Variants in SLC24A2 observed in about 807,000 individuals in gnomAD.
SLC24A2 encodes the protein solute carrier family 24 member 2.
SLC24A2 carries 36 observed loss-of-function variants against 62.0 expected under a neutral mutation model. The ratio of observed to expected loss-of-function variants is 0.58; its 90% CI spans 0.44 to 0.77. SLC24A2 has a LOEUF of 0.77. Among genes scored for constraint, SLC24A2 ranks in the 30% least tolerant of loss-of-function variants. SLC24A2 has a pLI of 0.00. For synonymous variants in SLC24A2, 358 were observed against 294.0 expected (o/e 1.22, Z -2.23); for missense variants, 846 against 817.9 (o/e 1.03, Z -0.42).
chr9:20,163,684 A>C, the SLC24A2 span, among the ~76,000 whole-genome samples: 1 of 152,176 alleles, frequency 6.6e-6, no homozygotes, highest in Non-Finnish European at 1.5e-5. Flanking sequence ...GTCAATCCTA[A>C]GCCAAAAGAA....
At chr9:19,853,403 C>T in the SLC24A2 span, among the ~76,000 whole-genome samples, 29 of 152,200 alleles carry the variant, frequency 1.9e-4, no homozygotes, top group African/African-American at 6.7e-4. Context: ...AAGGGCAATG[C>T]TTCTAGCTTT....
chr9:19,979,406 G>T, the SLC24A2 span, among the ~76,000 whole-genome samples: 1 of 152,148 alleles, frequency 6.6e-6, no homozygotes. Context: ...GAGATGCAAA[G>T]TATGTACATA....
At chr9:19,693,117 T>G (rs1587162828) in intron 2 of SLC24A2, among the ~76,000 whole-genome samples, 1 of 152,100 alleles carries the variant, frequency 6.6e-6, no homozygotes, top group Admixed American at 6.6e-5. Flanking sequence ...TTATTATTAT[T>G]CTTTAAGTTC....
At chr9:20,255,588 C>T in the SLC24A2 span, among the ~76,000 whole-genome samples, 1 of 152,006 alleles carries the variant, frequency 6.6e-6, no homozygotes, top group Non-Finnish European at 1.5e-5. Flanking sequence ...TAGCTGTCAG[C>T]GAGGGCCTCA....
the SLC24A2 span, among the ~76,000 whole-genome samples, chr9:20,203,490 T>C: frequency 6.6e-6 from 1 of 152,152 alleles, no homozygotes; most frequent in African/African-American, 2.4e-5. Context: ...CTTGCATGCA[T>C]CAGAGGACTA....
chr9:19,588,181 T>C (rs1038491736), intron 5 of SLC24A2, among the ~76,000 whole-genome samples: 6 of 135,670 alleles, frequency 4.4e-5, no homozygotes, highest in African/African-American at 1.3e-4. Context: ...TTTTTTTCTT[T>C]TTTTTTTTTT....
At chr9:20,020,966 T>C in the SLC24A2 span, among the ~76,000 whole-genome samples, 3 of 152,156 alleles carry the variant, frequency 2.0e-5, no homozygotes, top group South Asian at 2.1e-4. Flanking sequence ...ATTTGTCCAA[T>C]TGGAGAATTA....
chr9:20,254,498 A>G, the SLC24A2 span, among the ~76,000 whole-genome samples: 1 of 152,208 alleles, frequency 6.6e-6, no homozygotes, highest in Non-Finnish European at 1.5e-5. Context: ...TATCCCTAGC[A>G]GACTGATAAG....
At chr9:20,151,086 C>T in the SLC24A2 span, among the ~76,000 whole-genome samples, 150,451 of 152,016 alleles carry the variant, frequency 0.99, 74,470 homozygotes, top group East Asian at 1. Context: ...TCCTCTGTAG[C>T]GAAGAAACTC....
Position 19,550,139 on chromosome 9 carries a change from G to C in SLC24A2, c.1477C>G (p.Pro493Ala). 6.2e-7 allele frequency: 1 copy of C among 1,613,714 alleles called. No homozygotes were observed. The highest frequency in any genetic ancestry group is 8.5e-7 in the Non-Finnish European group (1 of 1,179,782). Reference protein sequence around the residue: ...LWITLPDVRKPSSRKFFPITF... With the variant: ...LWITLPDVRKASSRKFFPITF... Reference sequence around the variant, plus strand: ...TATTTTTAAAATGCTTTACTTACAGGTTTGCGAACGTCAGGTAACGTAATC... The same window carrying C: ...TATTTTTAAAATGCTTTACTTACAGCTTTGCGAACGTCAGGTAACGTAATC... Residue 493 changes from proline to alanine, a missense_variant and splice_region_variant, in exon 8 of 11, where the codon CCT (proline) becomes GCT (alanine). By Grantham distance (27) the Pro-to-Ala change is conservative. Transcript: ENST00000341998.
At chr9:20,112,443 G>GA in the SLC24A2 span, among the ~76,000 whole-genome samples, 8 of 152,180 alleles carry the variant, frequency 5.3e-5, no homozygotes, top group African/African-American at 1.7e-4. Context: ...AAATTTATGG[G>GA]AATGCAGTTT....
the SLC24A2 span, among the ~76,000 whole-genome samples, chr9:19,845,845 T>G: frequency 6.6e-6 from 1 of 152,168 alleles, no homozygotes; most frequent in Admixed American, 6.5e-5. Flanking sequence ...TTGCTGTTTA[T>G]CCAAAAGTCA....
the SLC24A2 span, among the ~76,000 whole-genome samples, chr9:19,968,259 A>G: frequency 6.6e-6 from 1 of 152,188 alleles, no homozygotes; most frequent in Admixed American, 6.5e-5. Flanking sequence ...AGGGACCCAC[A>G]TGGGCCACAG....
At chr9:19,549,988 A>T (rs537479584) in intron 8 of SLC24A2, 149 bp downstream of exon 8, 2 of 737,602 alleles carry the variant, frequency 2.7e-6, no homozygotes, top group African/African-American at 1.8e-5. Context: ...TTCTTGTTAC[A>T]TAATAGTTGT....
chr9:20,107,898 G>A, the SLC24A2 span, among the ~76,000 whole-genome samples: 1 of 152,126 alleles, frequency 6.6e-6, no homozygotes, highest in African/African-American at 2.4e-5. Flanking sequence ...TACCATCAGA[G>A]TGAACAGGCA....
chr9:20,076,028 C>T, the SLC24A2 span, among the ~76,000 whole-genome samples: 83 of 152,294 alleles, frequency 5.4e-4, 1 homozygote, highest in African/African-American at 1.9e-3. Context: ...AGTTGTTACA[C>T]TCTATTGTTT....
At chr9:20,104,490 CA>C in the SLC24A2 span, among the ~76,000 whole-genome samples, 5 of 152,234 alleles carry the variant, frequency 3.3e-5, no homozygotes, top group Non-Finnish European at 7.3e-5. Flanking sequence ...ATCAGACTAA[CA>C]GTGGATCTCT....
the SLC24A2 span, among the ~76,000 whole-genome samples, chr9:19,971,256 C>A: frequency 6.6e-6 from 1 of 152,186 alleles, no homozygotes; most frequent in African/African-American, 2.4e-5. Context: ...GACCCAAGAT[C>A]AGCAAAATCT....
chr9:19,607,030 T>C lies in SLC24A2; in HGVS notation c.1079-9751A>G, dbSNP rs149427955. The stretch of plus-strand genomic sequence containing the variant: ...CAGAGAAAGTCATCTCATCACAGAA[T>C]GCAAGTCATTCAACCTCATGAAGTG... On this transcript the variant is annotated intron_variant, in intron 4 of 10. Coordinates refer to ENST00000341998, the MANE Select transcript of SLC24A2 (RefSeq NM_020344.4). Among the ~76,000 whole-genome samples, 41 of 126,924 alleles carry C rather than the reference T, an allele frequency of 3.2e-4. 1 individual carries two copies. In the East Asian group the frequency reaches 9.8e-3, roughly 30 times the overall value. The allele number at this position is 126,924 out of a possible 152,430, so 83.3% of individuals were successfully genotyped here.
Sources: gnomAD v4.1 joint callset for allele counts (sites outside exome capture counted in the v4.1 genomes callset) on GRCh38, gnomAD v4.1.1 for gene constraint, MANE v1.5 for transcripts, NCBI Gene and HGNC (gene_info 2026-07-23, HGNC 2026-07-21) for gene names.